Variants in AMPD1 observed in about 807,000 individuals in gnomAD.
AMPD1 encodes AMP deaminase 1.
Under a neutral mutation model 82.9 loss-of-function variants are expected in AMPD1, and 74 were observed. The ratio of observed to expected loss-of-function variants is 0.89; its 90% CI spans 0.74 to 1.08. The LOEUF is 1.08. AMPD1 is among the 50% of genes least tolerant of loss of function. The pLI, the probability that AMPD1 is intolerant of heterozygous loss-of-function variation, is 0.00. For missense variants in AMPD1, 881 were observed against 924.5 expected, an observed-to-expected ratio of 0.95 and a Z score of 0.61; for synonymous variants, 333 against 320.5, an observed-to-expected ratio of 1.04 and a Z score of -0.42.
intron 2 of AMPD1, among the ~76,000 whole-genome samples, chr1:114,692,350 G>A (rs1227531900): frequency 6.6e-6 from 1 of 152,184 alleles, no homozygotes; most frequent in Non-Finnish European, 1.5e-5. Context: ...TCTAATTTGA[G>A]ATTGAGGGGA....
At chr1:114,693,159 A>AGT (rs1557975894) in intron 2 of AMPD1, among the ~76,000 whole-genome samples, 10 of 148,484 alleles carry the variant, frequency 6.7e-5, no homozygotes, top group South Asian at 2.1e-4. Context: ...TAAATAAATA[A>AGT]ATAAATAAGT....
intron 3 of AMPD1, 84 bp from the exon 4 acceptor site, chr1:114,686,994 T>C (rs1180018986): frequency 1.4e-6 from 2 of 1,445,434 alleles, no homozygotes; most frequent in Non-Finnish European, 1.9e-6. Context: ...TCTATACAAT[T>C]TTATTCTGAG....
chr1:114,684,126 AGGC>A, intron 5 of AMPD1, 70 bp downstream of exon 5: 2 of 1,452,198 alleles, frequency 1.4e-6, no homozygotes, highest in Non-Finnish European at 1.9e-6. Context: ...TATAATCTAG[AGGC>A]ATATTTTAAA....
chr1:114,689,157 T>C (rs1303171865), intron 2 of AMPD1, among the ~76,000 whole-genome samples: 2 of 152,194 alleles, frequency 1.3e-5, no homozygotes, highest in Non-Finnish European at 2.9e-5. Context: ...GGGTTATTGG[T>C]CCTTGGAGTT....
chr1:114,673,343 T>TACAAAAA lies in AMPD1; in HGVS notation c.2086-72_2086-71insTTTTTGT. On this transcript the variant is annotated intron_variant, in intron 15 of 15. Coordinates refer to ENST00000520113, the MANE Select transcript of AMPD1 (RefSeq NM_000036.3). Reference sequence around the variant, plus strand: ...CTGGTATAGACAATAATTGCATTCTTTACAAAAATTCCTTCCTTATGTTAG... The same window carrying TACAAAAA: ...CTGGTATAGACAATAATTGCATTCTTACAAAAATACAAAAATTCCTTCCTTATGTTAG... The TACAAAAA allele has an allele frequency of 5.1e-6, 8 of 1,561,962 alleles. 1 individual carries two copies. In the South Asian group the frequency reaches 9.1e-5, roughly 18 times the overall value.
chr1:114,685,899 A>C (rs1325983189), intron 4 of AMPD1, among the ~76,000 whole-genome samples: 1 of 152,192 alleles, frequency 6.6e-6, no homozygotes. Context: ...GTCACTTTTA[A>C]GTATCTTAGG....
In AMPD1 at chr1:114,688,857, TTCCAACCAGGG is replaced by T. The variant is rs757348493; in HGVS notation, c.35-127_35-117del. Reference sequence around the variant, plus strand: ...GTGCTGCGTGCATGGCTCTCCTGCTTTCCAACCAGGGTCCAACACAGAGCTCAGTGCCTGCT... The same window carrying T: ...GTGCTGCGTGCATGGCTCTCCTGCTTTCCAACACAGAGCTCAGTGCCTGCT... On this transcript the variant is annotated intron_variant, in intron 2 of 15. Coordinates refer to ENST00000520113, the MANE Select transcript of AMPD1 (RefSeq NM_000036.3). The T allele has an allele frequency of 5.0e-6, 6 of 1,190,674 alleles. No individual in the cohort carries two copies. In the South Asian group the frequency reaches 6.1e-5, roughly 12 times the overall value. The allele number at this position is 1,190,674 out of a possible 1,614,324, so 73.8% of individuals were successfully genotyped here.
At chr1:114,694,235 A>C (rs1285015442) in intron 1 of AMPD1, among the ~76,000 whole-genome samples, 2 of 151,922 alleles carry the variant, frequency 1.3e-5, no homozygotes, top group South Asian at 2.1e-4. Flanking sequence ...AAAAACAAAA[A>C]CAAAAACGAA....
At chr1:114,680,591 A>C (rs1483116044) in intron 5 of AMPD1, 113 bp from the exon 6 acceptor site, 1 of 878,184 alleles carries the variant, frequency 1.1e-6, no homozygotes, top group Non-Finnish European at 1.9e-6. Context: ...CCGGTACTTA[A>C]GTTGTAATTA....
At chr1:114,695,117 G>C (rs950420543) in intron 1 of AMPD1, among the ~76,000 whole-genome samples, 6 of 152,168 alleles carry the variant, frequency 3.9e-5, no homozygotes, top group Admixed American at 3.3e-4. Flanking sequence ...ACCATAGCTA[G>C]AGTCATTATG....
At chr1:114,686,695 A>G in intron 4 of AMPD1, 50 bp downstream of exon 4, 1 of 1,600,492 alleles carries the variant, frequency 6.2e-7, no homozygotes, top group Non-Finnish European at 8.6e-7. Flanking sequence ...AGAACTGTCA[A>G]GCTGAATGGC....
chr1:114,679,602 G>T lies in AMPD1; in HGVS notation c.874C>A (p.Arg292=), dbSNP rs143235944. 3 of 1,613,980 alleles carry T rather than the reference G, an allele frequency of 1.9e-6. No individual in the cohort carries two copies. Among genetic ancestry groups the T allele is most frequent in the East Asian group, 2.2e-5 (1 of 44,882 alleles). ...ELKELKNNPH[R]DFYNCRKVDT... is the part of the protein sequence containing the mutation. ...ACCTTCCTGCAGTTATAAAAATCTC[G>T]GTGGGGGTTGTTTTTCAGCTCCTTT... Residue 292 remains arginine, a synonymous_variant, in exon 7 of 16, where the codon CGA becomes AGA. Transcript: ENST00000520113.
At chr1:114,691,275 C>T (rs1033079957) in intron 2 of AMPD1, among the ~76,000 whole-genome samples, 7 of 152,116 alleles carry the variant, frequency 4.6e-5, no homozygotes, top group Non-Finnish European at 2.9e-5. Context: ...GGGAGTGGGC[C>T]TGGCATGGTG....
At chr1:114,694,792 C>T (rs1313288584) in intron 1 of AMPD1, among the ~76,000 whole-genome samples, 2 of 152,120 alleles carry the variant, frequency 1.3e-5, no homozygotes, top group African/African-American at 4.8e-5. Flanking sequence ...TGCAGTGAAT[C>T]GTGATCGTGC....
intron 2 of AMPD1, among the ~76,000 whole-genome samples, chr1:114,690,035 C>T (rs1658467545): frequency 6.6e-6 from 1 of 152,174 alleles, no homozygotes; most frequent in Non-Finnish European, 1.5e-5. Flanking sequence ...AAGACAGAAA[C>T]ATTCCCCACA....
chr1:114,688,412 G>T, intron 3 of AMPD1, 149 bp downstream of exon 3: 2 of 914,124 alleles, frequency 2.2e-6, no homozygotes, highest in Non-Finnish European at 1.7e-6. Flanking sequence ...ACATTTGTGA[G>T]CCACTGTGCC....
intron 13 of AMPD1, 43 bp downstream of exon 13, chr1:114,674,709 T>C (rs1657928529): frequency 6.2e-7 from 1 of 1,601,840 alleles, no homozygotes; most frequent in Admixed American, 1.7e-5. Flanking sequence ...AAAAGATTCC[T>C]CTAGCTCCAA....
Position 114,680,338 on chromosome 1 carries a change from T to C in AMPD1, c.688A>G (p.Lys230Glu), listed in dbSNP as rs138705920. ...NEAAVSKDEP[K>E]PLPYPNLDTF... is the part of the protein sequence containing the mutation. Reference sequence around the variant, plus strand: ...TCCAGATTTGGGTAAGGAAGTGGCTTAGGCTCATCTTTGCTGACTGCTGCT... The same window carrying C: ...TCCAGATTTGGGTAAGGAAGTGGCTCAGGCTCATCTTTGCTGACTGCTGCT... The change falls in exon 6 of 16, where the codon AAG (lysine) becomes GAG (glutamate). Residue 230 changes from lysine (K) to glutamate (E), a missense_variant. This residue lies in a region of AMPD1 where 783 missense variants were observed against 786.4 expected (regional missense o/e 1.00). Transcript: ENST00000520113. 297 of 1,614,208 alleles carry C rather than the reference T, an allele frequency of 1.8e-4. No individual in the cohort carries two copies. Among genetic ancestry groups the C allele is most frequent in the Admixed American group, 1.1e-3 (65 of 60,030 alleles).
intron 5 of AMPD1, chr1:114,683,161 A>C: frequency 2.1e-6 from 1 of 465,620 alleles, no homozygotes; most frequent in South Asian, 1.6e-5. Context: ...TAAGTAAATA[A>C]AGTGCTATGG....
Sources: allele counts gnomAD v4.1 joint callset (sites outside exome capture counted in the v4.1 genomes callset), GRCh38; gene constraint gnomAD v4.1.1; regional missense constraint gnomAD v4.1.1; transcripts MANE v1.5; gene names NCBI Gene and HGNC (gene_info 2026-07-23, HGNC 2026-07-21).